Variants in CDH12 observed in about 807,000 individuals in gnomAD.
The protein encoded by CDH12 is cadherin-12.
A neutral mutation model predicts 74.1 loss-of-function variants in CDH12; 41 were observed. The ratio of observed to expected loss-of-function variants is 0.55; its 90% CI spans 0.43 to 0.72. The LOEUF (loss-of-function observed/expected upper bound fraction) is 0.72, where lower values mean the gene tolerates loss of function less well. Among genes scored for constraint, CDH12 ranks in the 30% least tolerant of loss-of-function variants. The pLI is 0.00. For synonymous variants in CDH12, 399 were observed against 355.0 expected, an observed-to-expected ratio of 1.12 and a Z score of -1.39; for missense variants, 945 against 977.2, an observed-to-expected ratio of 0.97 and a Z score of 0.44.
intron 6 of CDH12, among the ~76,000 whole-genome samples, chr5:21,878,764 GAAAGAAAGA>G (rs1426620689): frequency 2.2e-5 from 2 of 89,598 alleles, no homozygotes; most frequent in Non-Finnish European, 4.8e-5. Flanking sequence ...AAGAAGAAAA[GAAAGAAAGA>G]AAAGAAAGAA....
At chr5:21,954,753 G>A (rs1259591164) in intron 6 of CDH12, among the ~76,000 whole-genome samples, 1 of 152,032 alleles carries the variant, frequency 6.6e-6, no homozygotes, top group Non-Finnish European at 1.5e-5. Context: ...AACAACTGAT[G>A]TACCTCTGAA....
chr5:22,797,906 G>A (rs1232924584), intron 1 of CDH12, among the ~76,000 whole-genome samples: 2 of 152,134 alleles, frequency 1.3e-5, no homozygotes, highest in Non-Finnish European at 2.9e-5. Flanking sequence ...TGTTGCTTTT[G>A]AGGAATAAAT....
intron 5 of CDH12, among the ~76,000 whole-genome samples, chr5:22,025,546 G>A (rs1170739726): frequency 6.6e-6 from 1 of 152,154 alleles, no homozygotes; most frequent in Non-Finnish European, 1.5e-5. Context: ...GTTGTTAACT[G>A]ATCAGGGTGG....
At chr5:22,357,737 A>G (rs1223750596) in intron 3 of CDH12, among the ~76,000 whole-genome samples, 1 of 152,170 alleles carries the variant, frequency 6.6e-6, no homozygotes, top group African/African-American at 2.4e-5. Flanking sequence ...TTCCCAAAAA[A>G]ATGATCAATT....
At chr5:22,555,558 T>G (rs1011585091) in intron 1 of CDH12, among the ~76,000 whole-genome samples, 4 of 151,868 alleles carry the variant, frequency 2.6e-5, no homozygotes, top group Non-Finnish European at 5.9e-5. Context: ...CTTTGAAAAA[T>G]TTTTTAGAAT....
chr5:21,988,955 G>A (rs921686335), intron 5 of CDH12, among the ~76,000 whole-genome samples: 2 of 152,134 alleles, frequency 1.3e-5, no homozygotes, highest in Non-Finnish European at 2.9e-5. Context: ...TAGGAGAAAC[G>A]TAAGAATCCT....
At chr5:22,755,754 T>G (rs187693771) in intron 1 of CDH12, among the ~76,000 whole-genome samples, 2 of 152,268 alleles carry the variant, frequency 1.3e-5, no homozygotes, top group East Asian at 3.9e-4. Context: ...ATTACATTTC[T>G]AAAGTTTTAA....
chr5:22,066,574 G>T (rs1000535040), intron 5 of CDH12, among the ~76,000 whole-genome samples: 3 of 152,152 alleles, frequency 2.0e-5, no homozygotes, highest in African/African-American at 7.2e-5. Flanking sequence ...TACTTCCAAA[G>T]TTCTAGAATG....
At chr5:22,412,688 T>G (rs1180103895) in intron 2 of CDH12, among the ~76,000 whole-genome samples, 1 of 151,898 alleles carries the variant, frequency 6.6e-6, no homozygotes, top group Non-Finnish European at 1.5e-5. Context: ...CTGCTTAATA[T>G]TGAGGTGAGA....
intron 2 of CDH12, among the ~76,000 whole-genome samples, chr5:22,409,384 A>T (rs888518965): frequency 2.0e-5 from 3 of 152,016 alleles, no homozygotes; most frequent in African/African-American, 7.2e-5. Context: ...ATATAATAAA[A>T]TAAAAAGAGA....
chr5:22,252,388 T>A (rs1580449521), intron 3 of CDH12, among the ~76,000 whole-genome samples: 1 of 148,884 alleles, frequency 6.7e-6, no homozygotes, highest in African/African-American at 2.5e-5. Context: ...GTTCCAAACT[T>A]AAAAAAAAAA....
intron 10 of CDH12, among the ~76,000 whole-genome samples, chr5:21,785,501 T>C (rs1180821089): frequency 2.0e-5 from 3 of 151,650 alleles, no homozygotes; most frequent in African/African-American, 7.3e-5. Flanking sequence ...AAAGGAAGAG[T>C]CCTTGAAGGA....
chr5:21,780,921 G>A (rs945228031), intron 11 of CDH12, among the ~76,000 whole-genome samples: 11 of 152,304 alleles, frequency 7.2e-5, no homozygotes, highest in Middle Eastern at 6.8e-3. Context: ...TGTGGTATGG[G>A]AGGGGAGATA....
chr5:21,811,680 C>T (rs1747751146), intron 9 of CDH12, among the ~76,000 whole-genome samples: 1 of 144,418 alleles, frequency 6.9e-6, no homozygotes, highest in African/African-American at 2.5e-5. Flanking sequence ...TGTTTTATTG[C>T]TATAACACCC....
chr5:22,477,601 A>G (rs1746218029), intron 2 of CDH12, among the ~76,000 whole-genome samples: 1 of 152,224 alleles, frequency 6.6e-6, no homozygotes. Context: ...GCATATACTC[A>G]GTAATGGGAT....
intron 8 of CDH12, among the ~76,000 whole-genome samples, chr5:21,830,940 G>A (rs1351026024): frequency 1.3e-5 from 2 of 152,022 alleles, no homozygotes. Context: ...TCGGGAGGCT[G>A]AGGCAGAGAA....
At chr5:21,835,736 T>TA (rs1468783134) in intron 8 of CDH12, among the ~76,000 whole-genome samples, 1 of 151,270 alleles carries the variant, frequency 6.6e-6, no homozygotes, top group Non-Finnish European at 1.5e-5. Flanking sequence ...AACATTTCTT[T>TA]AAAAAAAAGA....
At chr5:22,557,439 T>C (rs115763071) in intron 1 of CDH12, among the ~76,000 whole-genome samples, 1 of 152,122 alleles carries the variant, frequency 6.6e-6, no homozygotes, top group Non-Finnish European at 1.5e-5. Context: ...TTTTTACAGG[T>C]GACCAAACAA....
At chr5:21,819,586 A>AATGAGTGTTATAAATGAGT (rs1561212095) in intron 8 of CDH12, among the ~76,000 whole-genome samples, 6 of 152,014 alleles carry the variant, frequency 3.9e-5, no homozygotes, top group African/African-American at 7.2e-5. Context: ...TGTTAGAAAA[A>AATGAGTGTTATAAATGAGT]GTCTAAATTT....
Sources: gnomAD v4.1 joint callset for allele counts (sites outside exome capture counted in the v4.1 genomes callset) on GRCh38, gnomAD v4.1.1 for gene constraint, MANE v1.5 for transcripts, NCBI Gene and HGNC (gene_info 2026-07-23, HGNC 2026-07-21) for gene names.